Variants in SEL1L3 observed in about 807,000 individuals in gnomAD.
SEL1L3 encodes the protein SEL1L family member 3, also known as protein sel-1 homolog 3.
SEL1L3 carries 76 observed loss-of-function variants against 142.8 expected under a neutral mutation model. The ratio of observed to expected loss-of-function variants is 0.53; its 90% CI spans 0.44 to 0.64. The LOEUF is 0.64. SEL1L3 is among the 30% of genes least tolerant of loss of function. SEL1L3 has a pLI of 0.00. For missense variants in SEL1L3, 1,262 were observed against 1,381.7 expected (o/e 0.91, Z 1.37); for synonymous variants, 504 against 519.6 (o/e 0.97, Z 0.41).
chr4:25,776,312 G>T lies in SEL1L3; in HGVS notation c.2634C>A (p.Ile878=), dbSNP rs753013285. Residue 878 remains isoleucine (I), a synonymous_variant, in exon 17 of 24, where the codon ATC becomes ATA. Coordinates refer to ENST00000399878, the MANE Select transcript of SEL1L3 (RefSeq NM_015187.5). ...AEKNGYLGHV[I]RKGLNAYLEG... ...CCAGGTAGGCATTGAGGCCTTTGCG[G>T]ATGACATGGCCCAAGTAGCCATTTT... is the stretch of plus-strand genomic sequence containing the variant. 1.2e-6 allele frequency: 2 copies of T among 1,612,902 alleles called. No individual in the cohort carries two copies. Among genetic ancestry groups the T allele is most frequent in the Non-Finnish European group, 1.7e-6 (2 of 1,179,306 alleles).
intron 16 of SEL1L3, among the ~76,000 whole-genome samples, chr4:25,777,406 CTTCT>C (rs965657741): frequency 1.3e-5 from 2 of 152,052 alleles, no homozygotes; most frequent in Non-Finnish European, 2.9e-5. Context: ...TTTTAATATA[CTTCT>C]TTCAGTAACT....
intron 8 of SEL1L3, 29 bp downstream of exon 8, chr4:25,819,779 A>G: frequency 6.3e-7 from 1 of 1,597,662 alleles, no homozygotes; most frequent in South Asian, 1.1e-5. Flanking sequence ...ACAGAGCTTA[A>G]AACAGCTCCC....
the SEL1L3 span, among the ~76,000 whole-genome samples, chr4:25,729,520 C>T: frequency 6.6e-6 from 1 of 152,062 alleles, no homozygotes; most frequent in African/African-American, 2.4e-5. Flanking sequence ...TCGAGGCCAG[C>T]CTGGACAATG....
chr4:25,819,695 G>A, intron 8 of SEL1L3, 113 bp downstream of exon 8: 1 of 953,770 alleles, frequency 1.0e-6, no homozygotes, highest in Non-Finnish European at 1.5e-6. Flanking sequence ...GTCCCATCTG[G>A]TATCTGAGCC....
chr4:25,798,726 G>A (rs1712966567), intron 11 of SEL1L3, among the ~76,000 whole-genome samples: 1 of 152,222 alleles, frequency 6.6e-6, no homozygotes, highest in Non-Finnish European at 1.5e-5. Context: ...TACTCGGGAG[G>A]CTGAGGCAGG....
intron 11 of SEL1L3, among the ~76,000 whole-genome samples, chr4:25,801,128 C>A (rs896707693): frequency 6.6e-6 from 1 of 152,238 alleles, no homozygotes; most frequent in East Asian, 1.9e-4. Flanking sequence ...ACTTGCCAGG[C>A]ACAGTGGCTC....
intron 23 of SEL1L3, among the ~76,000 whole-genome samples, chr4:25,753,984 C>A (rs1717777439): frequency 7.0e-6 from 1 of 143,426 alleles, no homozygotes; most frequent in African/African-American, 2.6e-5. Flanking sequence ...TCCGTCTCAA[C>A]ATAAATAAAT....
the SEL1L3 span, among the ~76,000 whole-genome samples, chr4:25,741,125 A>G: frequency 8.1e-6 from 1 of 123,808 alleles, no homozygotes; most frequent in South Asian, 2.6e-4. Context: ...TTTTTTTTAG[A>G]TGGAGTTTTG....
intron 23 of SEL1L3, among the ~76,000 whole-genome samples, chr4:25,752,339 C>A (rs1478999346): frequency 6.6e-6 from 1 of 150,858 alleles, no homozygotes; most frequent in East Asian, 2.0e-4. Context: ...ATGGCATGAA[C>A]CCCGGAGGCG....
chr4:25,731,828 T>C, the SEL1L3 span, among the ~76,000 whole-genome samples: 1 of 152,152 alleles, frequency 6.6e-6, no homozygotes, highest in Non-Finnish European at 1.5e-5. Flanking sequence ...ATCCCAGCCC[T>C]TTGGGAGGCC....
chr4:25,832,815 A>T (rs1357071750), intron 5 of SEL1L3, among the ~76,000 whole-genome samples, 180 bp downstream of exon 5: 1 of 152,212 alleles, frequency 6.6e-6, no homozygotes, highest in Non-Finnish European at 1.5e-5. Flanking sequence ...ATGGGATGGG[A>T]TTCTTATGAT....
chr4:25,759,230 A>C, intron 20 of SEL1L3, 162 bp from the exon 21 acceptor site: 2 of 681,010 alleles, frequency 2.9e-6, no homozygotes, highest in Non-Finnish European at 2.4e-6. Context: ...CCCTAAATAT[A>C]TGCATCTGAG....
intron 11 of SEL1L3, among the ~76,000 whole-genome samples, chr4:25,797,397 C>A (rs1239906343): frequency 1.3e-5 from 2 of 152,110 alleles, no homozygotes; most frequent in African/African-American, 4.8e-5. Context: ...TGCCTCTTAG[C>A]GTGTTTAAAA....
chr4:25,828,154 C>T (rs530040152), intron 6 of SEL1L3, among the ~76,000 whole-genome samples: 64 of 152,314 alleles, frequency 4.2e-4, no homozygotes, highest in African/African-American at 1.4e-3. Flanking sequence ...TTAAGCCACC[C>T]GCACCCTCTC....
chr4:25,737,812 G>A, the SEL1L3 span, among the ~76,000 whole-genome samples: 7 of 152,238 alleles, frequency 4.6e-5, no homozygotes, highest in South Asian at 1.5e-3. Flanking sequence ...CAATGTAAAT[G>A]CTGTGTAAAT....
chr4:25,765,119 C>T (rs1037687378), intron 20 of SEL1L3, among the ~76,000 whole-genome samples: 1 of 152,138 alleles, frequency 6.6e-6, no homozygotes, highest in Non-Finnish European at 1.5e-5. Flanking sequence ...TTCAGTCTCC[C>T]AAGTAGCTGG....
the SEL1L3 span, among the ~76,000 whole-genome samples, chr4:25,729,002 T>C: frequency 2.6e-5 from 4 of 152,110 alleles, no homozygotes; most frequent in Non-Finnish European, 5.9e-5. Context: ...CAGTCACACT[T>C]CAGTGAGTCC....
chr4:25,827,310 C>A (rs921724861), intron 6 of SEL1L3, among the ~76,000 whole-genome samples: 2 of 152,144 alleles, frequency 1.3e-5, no homozygotes, highest in Non-Finnish European at 2.9e-5. Context: ...TGAGGTGATA[C>A]TGGAGTAGGG....
chr4:25,850,881 C>T (rs1456344185), intron 1 of SEL1L3, among the ~76,000 whole-genome samples: 2 of 150,850 alleles, frequency 1.3e-5, no homozygotes, highest in African/African-American at 2.4e-5. Flanking sequence ...GTTGGAGTCT[C>T]ACTCTGTCAT....
Sources: allele counts gnomAD v4.1 joint callset (sites outside exome capture counted in the v4.1 genomes callset), GRCh38; gene constraint gnomAD v4.1.1; transcripts MANE v1.5; gene names NCBI Gene and HGNC (gene_info 2026-07-23, HGNC 2026-07-21).